The following CSMD1 variants were observed in gnomAD, a reference collection of about 807,000 sequenced individuals.
CSMD1 encodes the protein CUB and sushi domain-containing protein 1.
Under a neutral mutation model 417.5 loss-of-function variants are expected in CSMD1, and 213 were observed. The observed-to-expected ratio is 0.51, with a 90% CI of 0.46 to 0.57. CSMD1 has a LOEUF of 0.57. Ranked by LOEUF, CSMD1 falls within the 20% of genes least tolerant of loss-of-function variation. CSMD1 has a pLI of 0.00. For missense variants in CSMD1, 6,923 were observed against 4,529.7 expected (o/e 1.53, Z -15.17); for synonymous variants, 2,862 against 1,736.8 (o/e 1.65, Z -16.11).
chr8:3,248,547 T>TTTTTTTA (rs397950793), intron 26 of CSMD1, among the ~76,000 whole-genome samples: 1 of 139,442 alleles, frequency 7.2e-6, no homozygotes. Flanking sequence ...TTTTTTTTTT[T>TTTTTTTA]GAGACGTAGT....
chr8:3,890,471 G>A (rs1006795591), intron 5 of CSMD1, among the ~76,000 whole-genome samples: 2 of 151,696 alleles, frequency 1.3e-5, no homozygotes, highest in East Asian at 3.9e-4. Context: ...GCTGAGTGAG[G>A]GAAGTTTTGA....
chr8:4,338,885 T>G (rs1334659892), intron 3 of CSMD1, among the ~76,000 whole-genome samples: 2 of 152,100 alleles, frequency 1.3e-5, no homozygotes, highest in Non-Finnish European at 1.5e-5. Context: ...GAAGAGAACC[T>G]TTTACTAGAA....
intron 1 of CSMD1, among the ~76,000 whole-genome samples, chr8:4,845,482 G>A (rs960233270): frequency 6.6e-6 from 1 of 152,184 alleles, no homozygotes; most frequent in Non-Finnish European, 1.5e-5. Context: ...ACATCTGAAC[G>A]ACAATTCACC....
rs116559451 is a variant in CSMD1, at chr8:4,573,036, C to T, written c.302+64306G>A. On this transcript the variant is annotated intron_variant, in intron 2 of 69. Coordinates refer to ENST00000635120, the MANE Select transcript of CSMD1 (RefSeq NM_033225.6). ...GTTCCTGTAATCTTTTATCAAGGTTCTTATCTTCCTTGTATTGGGTTAGAA... is the reference window on the plus strand; with the variant it reads ...GTTCCTGTAATCTTTTATCAAGGTTTTTATCTTCCTTGTATTGGGTTAGAA... Among the ~76,000 whole-genome samples the T allele has an allele frequency of 2.7e-3, 406 of 152,214 alleles. 3 individuals are homozygous for T. Among genetic ancestry groups the T allele is most frequent in the African/African-American group, 9.2e-3 (381 of 41,544 alleles).
chr8:3,804,795 TC>T (rs1429327063), intron 5 of CSMD1, among the ~76,000 whole-genome samples: 4 of 152,332 alleles, frequency 2.6e-5, no homozygotes, highest in African/African-American at 9.6e-5. Flanking sequence ...TGTTTGGTAA[TC>T]TAATTATTCA....
intron 37 of CSMD1, among the ~76,000 whole-genome samples, chr8:3,176,926 G>C (rs954014216): frequency 6.6e-6 from 1 of 151,888 alleles, no homozygotes. Flanking sequence ...CTACAGGTGA[G>C]GCCACCATGC....
intron 12 of CSMD1, among the ~76,000 whole-genome samples, chr8:3,457,897 A>G (rs1013958688): frequency 1.3e-5 from 2 of 152,224 alleles, no homozygotes; most frequent in Admixed American, 1.3e-4. Flanking sequence ...CACATGAGAA[A>G]TGAGGAAGGC....
At chr8:4,841,078 G>C (rs948411865) in intron 1 of CSMD1, among the ~76,000 whole-genome samples, 3 of 152,186 alleles carry the variant, frequency 2.0e-5, no homozygotes, top group Non-Finnish European at 2.9e-5. Context: ...CTTGAGAAGA[G>C]CACCTGCTCT....
chr8:4,111,294 C>T (rs1258344643), intron 3 of CSMD1, among the ~76,000 whole-genome samples: 1 of 152,024 alleles, frequency 6.6e-6, no homozygotes, highest in African/African-American at 2.4e-5. Context: ...ATCTTATGAG[C>T]AGAAGAATCT....
At chr8:3,203,004 C>G (rs1392590116) in intron 31 of CSMD1, among the ~76,000 whole-genome samples, 1 of 152,132 alleles carries the variant, frequency 6.6e-6, no homozygotes, top group Non-Finnish European at 1.5e-5. Flanking sequence ...CACCCACCAC[C>G]TCCCCAAGTT....
chr8:3,724,829 C>G lies in CSMD1; in HGVS notation c.932-16338G>C, dbSNP rs566096536. ...GCAGAAACTGTAGGTATTTTCTTAT[C>G]ACATTAACGGTGATGGCAGATATCA... On this transcript the variant is annotated intron_variant, in intron 6 of 69. Coordinates refer to ENST00000635120, the MANE Select transcript of CSMD1 (RefSeq NM_033225.6). Among the ~76,000 whole-genome samples the G allele has an allele frequency of 2.6e-5, 4 of 152,276 alleles. 1 individual carries two copies. In the South Asian group the frequency reaches 8.3e-4, roughly 32 times the overall value.
chr8:4,541,674 G>T (rs1246292763), intron 2 of CSMD1, among the ~76,000 whole-genome samples: 1 of 152,092 alleles, frequency 6.6e-6, no homozygotes, highest in African/African-American at 2.4e-5. Context: ...GGCTGAGGTT[G>T]CAGTAAGCCA....
At chr8:4,922,979 T>G (rs1174721677) in intron 1 of CSMD1, among the ~76,000 whole-genome samples, 1 of 152,210 alleles carries the variant, frequency 6.6e-6, no homozygotes, top group Non-Finnish European at 1.5e-5. Flanking sequence ...ATACTCACAT[T>G]AATGTGAACA....
chr8:3,783,206 T>C (rs1799271918), intron 5 of CSMD1, among the ~76,000 whole-genome samples: 1 of 152,234 alleles, frequency 6.6e-6, no homozygotes, highest in African/African-American at 2.4e-5. Flanking sequence ...CATTCTTTCT[T>C]GTTCCTGGAT....
rs1797717585 is a variant in CSMD1, at chr8:4,296,881, T to TA, written c.415+123071dup. 2.0e-5 allele frequency among the ~76,000 whole-genome samples: 3 copies of TA among 152,150 alleles called. No individual in the cohort carries two copies. In the South Asian group the frequency reaches 6.2e-4, roughly 32 times the overall value. On this transcript the variant is annotated intron_variant, in intron 3 of 69. Coordinates refer to ENST00000635120, the MANE Select transcript of CSMD1 (RefSeq NM_033225.6). ...ACTTGTCTTAGACTCCCAATTTTTT[T>TA]AAAAATGCTCATCTCATGGAGATTA...
At chr8:4,504,765 G>A (rs2130304977) in intron 2 of CSMD1, among the ~76,000 whole-genome samples, 2 of 152,204 alleles carry the variant, frequency 1.3e-5, no homozygotes, top group South Asian at 4.1e-4. Flanking sequence ...AGTTTGCTGA[G>A]AATGATGGTT....
chr8:4,130,629 G>T (rs768893124), intron 3 of CSMD1, among the ~76,000 whole-genome samples: 1 of 151,932 alleles, frequency 6.6e-6, no homozygotes, highest in Non-Finnish European at 1.5e-5. Context: ...CATTTAATTT[G>T]TCCTTGTGAA....
chr8:3,526,688 G>A (rs1026578784), intron 10 of CSMD1, among the ~76,000 whole-genome samples: 1 of 152,146 alleles, frequency 6.6e-6, no homozygotes, highest in African/African-American at 2.4e-5. Flanking sequence ...TAAAAGATCT[G>A]GCTTCAAAGC....
chr8:4,589,871 G>T (rs926312020), intron 2 of CSMD1, among the ~76,000 whole-genome samples: 3 of 152,146 alleles, frequency 2.0e-5, no homozygotes, highest in Non-Finnish European at 4.4e-5. Flanking sequence ...AATCTATCAG[G>T]AGCCTGATGC....
Sources: allele counts gnomAD v4.1 joint callset (sites outside exome capture counted in the v4.1 genomes callset), GRCh38; gene constraint gnomAD v4.1.1; transcripts MANE v1.5; gene names NCBI Gene and HGNC (gene_info 2026-07-23, HGNC 2026-07-21).